The following DAB1 variants were observed in gnomAD, a reference collection of about 807,000 sequenced individuals.
DAB1 encodes DAB adaptor protein 1, also known as disabled homolog 1.
A neutral mutation model predicts 64.6 loss-of-function variants in DAB1; 15 were observed. The observed-to-expected ratio is 0.23, with a 90% CI of 0.16 to 0.36. DAB1 has a LOEUF of 0.36. Among genes scored for constraint, DAB1 ranks in the 10% least tolerant of loss-of-function variants. The probability of loss-of-function intolerance (pLI) is 1.00; values close to 1 mark genes in which losing one functional copy is unlikely to be tolerated. For synonymous variants in DAB1, 235 were observed against 251.9 expected, an observed-to-expected ratio of 0.93 and a Z score of 0.64; for missense variants, 596 against 706.7, an observed-to-expected ratio of 0.84 and a Z score of 1.78.
chr1:58,349,435 T>TTAG (rs1232235043), intron 3 of DAB1, among the ~76,000 whole-genome samples: 2 of 37,660 alleles, frequency 5.3e-5, no homozygotes, highest in Non-Finnish European at 1.2e-4. Context: ...TTGGCTCCTT[T>TTAG]TATTATTATT....
intron 6 of DAB1, among the ~76,000 whole-genome samples, chr1:57,817,582 A>G (rs796779498): frequency 3.9e-5 from 6 of 152,298 alleles, no homozygotes; most frequent in African/African-American, 1.4e-4. Flanking sequence ...CCAAGGGTGG[A>G]GGGCTCCTCA....
chr1:57,546,087 G>T (rs1293436774), intron 7 of DAB1, among the ~76,000 whole-genome samples: 1 of 151,544 alleles, frequency 6.6e-6, no homozygotes, highest in Non-Finnish European at 1.5e-5. Context: ...GTGTGTGTGT[G>T]TGTGTGTGTG....
At chr1:58,509,536 T>TA (rs59473637) in intron 2 of DAB1, among the ~76,000 whole-genome samples, 20,872 of 116,742 alleles carry the variant, frequency 0.18, 1,627 homozygotes, top group Middle Eastern at 0.28. Context: ...ACACCTACAT[T>TA]AAAAAAAAAA....
At chr1:57,257,066 T>G (rs1303056030) in intron 2 of DAB1, among the ~76,000 whole-genome samples, 1 of 152,216 alleles carries the variant, frequency 6.6e-6, no homozygotes. Context: ...CAATCAGACC[T>G]GGGATCAAGA....
chr1:58,187,339 C>G (rs1381787659), intron 4 of DAB1, among the ~76,000 whole-genome samples: 1 of 150,500 alleles, frequency 6.6e-6, no homozygotes, highest in African/African-American at 2.4e-5. Context: ...TAGCCAGGCT[C>G]ATAGGTGTGC....
At chr1:57,904,331 A>C (rs1316782127) in intron 5 of DAB1, among the ~76,000 whole-genome samples, 1 of 152,142 alleles carries the variant, frequency 6.6e-6, no homozygotes, top group African/African-American at 2.4e-5. Context: ...ATTCCTATTT[A>C]TTCTTCAAAA....
In DAB1 at chr1:57,857,322, T is replaced by C. The variant is rs557634220; in HGVS notation, n.87+26677A>G. On this transcript the variant is annotated intron_variant and non_coding_transcript_variant, in intron 1 of 1. Transcript: ENST00000477280. ...ATTAACCATCAAAAGTGAAAGGAAG[T>C]AATCTCTGAATGACTAAATGACACT... 6.6e-5 allele frequency among the ~76,000 whole-genome samples: 10 copies of C among 152,290 alleles called. No individual in the cohort carries two copies. The South Asian group carries it at 1.9e-3, about 28-fold the overall frequency.
At chr1:58,118,561 A>C (rs1240960680) in intron 5 of DAB1, among the ~76,000 whole-genome samples, 5 of 92,848 alleles carry the variant, frequency 5.4e-5, no homozygotes, top group African/African-American at 3.3e-4. Flanking sequence ...ATATATATAA[A>C]ATACATATAT....
At chr1:57,745,178 C>A (rs890778222) in intron 6 of DAB1, among the ~76,000 whole-genome samples, 10 of 152,002 alleles carry the variant, frequency 6.6e-5, no homozygotes, top group Admixed American at 6.6e-4. Context: ...AAAGTAAACT[C>A]GTGGCAGGGA....
rs139598263 is a variant in DAB1, at chr1:57,340,771, C to T, written c.-136-49605G>A. Among the ~76,000 whole-genome samples the T allele has an allele frequency of 1.6e-3, 248 of 152,298 alleles. 1 individual carries two copies. Among genetic ancestry groups the T allele is most frequent in the African/African-American group, 5.5e-3 (229 of 41,568 alleles). On this transcript the variant is annotated intron_variant, in intron 1 of 14. Coordinates refer to ENST00000371236, the MANE Select transcript of DAB1 (RefSeq NM_001365792.1). ...TGTGTACTCTGAGGAAGCCGAAGTA[C>T]GGAGTTTTAATGGGTGCAGAAGTTT...
At chr1:57,270,429 TGACA>T (rs1670904527) in intron 2 of DAB1, among the ~76,000 whole-genome samples, 1 of 152,240 alleles carries the variant, frequency 6.6e-6, no homozygotes, top group South Asian at 2.1e-4. Context: ...ACTTACCATG[TGACA>T]GACAGCATAC....
chr1:57,528,642 A>G (rs1644622480), intron 7 of DAB1, among the ~76,000 whole-genome samples: 3 of 94,238 alleles, frequency 3.2e-5, no homozygotes, highest in African/African-American at 9.6e-5. Context: ...AGCAGGACAC[A>G]CACACACACA....
At chr1:57,767,538 A>C (rs1322607537) in intron 6 of DAB1, among the ~76,000 whole-genome samples, 1 of 152,178 alleles carries the variant, frequency 6.6e-6, no homozygotes, top group African/African-American at 2.4e-5. Context: ...TGATTGGACA[A>C]ACCATCAATT....
At chr1:57,805,714 A>T (rs1651330502) in intron 6 of DAB1, among the ~76,000 whole-genome samples, 1 of 152,170 alleles carries the variant, frequency 6.6e-6, no homozygotes. Context: ...CATGCCCATG[A>T]CTGAGTTCTT....
intron 5 of DAB1, among the ~76,000 whole-genome samples, chr1:57,959,465 C>T (rs1645466018): frequency 6.6e-6 from 1 of 152,194 alleles, no homozygotes; most frequent in Admixed American, 6.5e-5. Context: ...GGCATTTTCA[C>T]ATCCTCGCAG....
intron 4 of DAB1, among the ~76,000 whole-genome samples, chr1:58,159,868 G>A (rs1384947884): frequency 6.6e-6 from 1 of 152,180 alleles, no homozygotes; most frequent in African/African-American, 2.4e-5. Context: ...AACACAGCTG[G>A]TGAAGTTAGA....
intron 7 of DAB1, among the ~76,000 whole-genome samples, chr1:57,502,928 T>C (rs922381641): frequency 6.6e-6 from 1 of 152,220 alleles, no homozygotes; most frequent in Non-Finnish European, 1.5e-5. Context: ...AGCACATAGT[T>C]ATGTGTCCAA....
chr1:58,169,899 T>A (rs1193867283), intron 4 of DAB1, among the ~76,000 whole-genome samples: 1 of 152,202 alleles, frequency 6.6e-6, no homozygotes, highest in Non-Finnish European at 1.5e-5. Context: ...TCTCCCTCTC[T>A]GATTTGAAGC....
intron 3 of DAB1, among the ~76,000 whole-genome samples, chr1:58,440,726 G>A (rs753329627): frequency 6.6e-5 from 10 of 152,180 alleles, no homozygotes; most frequent in Admixed American, 1.3e-4. Context: ...CCATTTAGCC[G>A]TAACAACTCT....
Sources: allele counts gnomAD v4.1 joint callset (sites outside exome capture counted in the v4.1 genomes callset), GRCh38; gene constraint gnomAD v4.1.1; transcripts MANE v1.5; gene names NCBI Gene and HGNC (gene_info 2026-07-23, HGNC 2026-07-21).